Variants in IL33 observed in about 807,000 individuals in gnomAD.
The protein encoded by IL33 is interleukin 33.
Under a neutral mutation model 27.3 loss-of-function variants are expected in IL33, and 37 were observed. That is an observed-to-expected ratio of 1.36 (90% CI 1.04 to 1.78). The LOEUF is 1.78. Ranked by LOEUF, IL33 falls within the 40% of genes most tolerant of loss-of-function variation. IL33 has a pLI of 0.00. For synonymous variants in IL33, 132 were observed against 102.9 expected (o/e 1.28, Z -1.71); for missense variants, 406 against 311.4 (o/e 1.30, Z -2.29).
chr9:6,218,684 ATGT>A (rs201640585), intron 1 of IL33, among the ~76,000 whole-genome samples: 4,106 of 87,732 alleles, frequency 0.047, 61 homozygotes, highest in African/African-American at 0.1. Flanking sequence ...CCATATATAT[ATGT>A]TCTCCATATA....
intron 1 of IL33, among the ~76,000 whole-genome samples, chr9:6,223,996 G>A (rs980502178): frequency 1.3e-5 from 2 of 152,078 alleles, no homozygotes; most frequent in Non-Finnish European, 2.9e-5. Context: ...GCCAAGAAGC[G>A]CTTACTCCTC....
chr9:6,247,303 G>A (rs569588672), intron 2 of IL33, among the ~76,000 whole-genome samples: 1 of 152,282 alleles, frequency 6.6e-6, no homozygotes, highest in African/African-American at 2.4e-5. Context: ...CTGGTGACAT[G>A]GCATAAGGAA....
chr9:6,241,612 A>G, intron 1 of IL33, 72 bp from the exon 2 acceptor site: 1 of 821,106 alleles, frequency 1.2e-6, no homozygotes, highest in South Asian at 1.7e-5. Flanking sequence ...TTTGGTAGTG[A>G]GCTAGCCACA....
chr9:6,249,406 T>G (rs1056212607), intron 2 of IL33, among the ~76,000 whole-genome samples: 4 of 152,232 alleles, frequency 2.6e-5, no homozygotes, highest in Non-Finnish European at 5.9e-5. Flanking sequence ...TGCTTGATAA[T>G]TCATTTACTA....
chr9:6,251,110 G>A (rs370280997), intron 3 of IL33, 30 bp from the exon 4 acceptor site: 11 of 1,605,490 alleles, frequency 6.9e-6, no homozygotes, highest in African/African-American at 1.3e-5. Flanking sequence ...GGGGATTGAT[G>A]GTCTATCCCT....
chr9:6,242,121 T>C (rs1194978019), intron 2 of IL33: 1 of 164,282 alleles, frequency 6.1e-6, no homozygotes, highest in African/African-American at 2.4e-5. Flanking sequence ...TTTTCCCTGA[T>C]AAACTAGCAA....
chr9:6,240,609 A>G (rs1819473120), intron 1 of IL33, among the ~76,000 whole-genome samples: 1 of 152,228 alleles, frequency 6.6e-6, no homozygotes, highest in Non-Finnish European at 1.5e-5. Context: ...GTATTGGGCA[A>G]TTAACCATGA....
chr9:6,246,282 G>A (rs1246562395), intron 2 of IL33, among the ~76,000 whole-genome samples: 2 of 151,944 alleles, frequency 1.3e-5, no homozygotes, highest in Admixed American at 6.6e-5. Flanking sequence ...AGGTGGAACC[G>A]GCTGGGTGCG....
chr9:6,230,007 A>T (rs1264471044), intron 1 of IL33, among the ~76,000 whole-genome samples: 1 of 152,184 alleles, frequency 6.6e-6, no homozygotes, highest in Non-Finnish European at 1.5e-5. Flanking sequence ...AAGGTGTGCA[A>T]GTGCATGGTG....
chr9:6,248,311 C>T (rs1819997982), intron 2 of IL33, among the ~76,000 whole-genome samples: 1 of 133,164 alleles, frequency 7.5e-6, no homozygotes, highest in African/African-American at 2.8e-5. Context: ...GTGGCACTAT[C>T]TCAGCTCACT....
intron 1 of IL33, among the ~76,000 whole-genome samples, chr9:6,216,853 A>G (rs1334009453): frequency 6.6e-6 from 1 of 152,190 alleles, no homozygotes; most frequent in Non-Finnish European, 1.5e-5. Flanking sequence ...TTTTTTCTTA[A>G]TGGGACCTGA....
At chr9:6,225,075 A>G (rs370584649) in intron 1 of IL33, among the ~76,000 whole-genome samples, 5 of 152,174 alleles carry the variant, frequency 3.3e-5, no homozygotes, top group African/African-American at 1.2e-4. Flanking sequence ...ACTGATTTCC[A>G]TGACTGAGAT....
At chr9:6,240,598 T>G (rs1206921352) in intron 1 of IL33, among the ~76,000 whole-genome samples, 1 of 152,048 alleles carries the variant, frequency 6.6e-6, no homozygotes, top group African/African-American at 2.4e-5. Context: ...ATGGTGCACT[T>G]GTATTGGGCA....
At chr9:6,222,492 A>C (rs1818453613) in intron 1 of IL33, among the ~76,000 whole-genome samples, 1 of 152,210 alleles carries the variant, frequency 6.6e-6, no homozygotes, top group East Asian at 1.9e-4. Flanking sequence ...GTGTTGTGGA[A>C]TATATTACAT....
intron 7 of IL33, among the ~76,000 whole-genome samples, chr9:6,254,799 G>C (rs995124689): frequency 6.6e-6 from 1 of 152,058 alleles, no homozygotes; most frequent in African/African-American, 2.4e-5. Flanking sequence ...CATCACCTGG[G>C]AGCCTGTTAG....
chr9:6,241,001 A>T (rs191781505), intron 1 of IL33, among the ~76,000 whole-genome samples: 27 of 152,134 alleles, frequency 1.8e-4, no homozygotes, highest in Non-Finnish European at 3.7e-4. Flanking sequence ...ACACAAACAC[A>T]CACACCCTAG....
chr9:6,219,511 G>C (rs551265694), intron 1 of IL33, among the ~76,000 whole-genome samples: 13 of 152,290 alleles, frequency 8.5e-5, no homozygotes, highest in African/African-American at 3.1e-4. Context: ...GAAGAGTGCA[G>C]TATAGCATAA....
chr9:6,216,860 C>T (rs537520939), intron 1 of IL33, among the ~76,000 whole-genome samples: 2 of 152,286 alleles, frequency 1.3e-5, no homozygotes, highest in Admixed American at 6.5e-5. Flanking sequence ...TTAATGGGAC[C>T]TGACCCTGGA....
intron 7 of IL33, among the ~76,000 whole-genome samples, chr9:6,255,733 C>A (rs910760847): frequency 6.6e-6 from 1 of 152,036 alleles, no homozygotes; most frequent in African/African-American, 2.4e-5. Flanking sequence ...ATCCAATCAC[C>A]CTAATCCATA....
Sources: allele counts gnomAD v4.1 joint callset (sites outside exome capture counted in the v4.1 genomes callset), GRCh38; gene constraint gnomAD v4.1.1; transcripts MANE v1.5; gene names NCBI Gene and HGNC (gene_info 2026-07-23, HGNC 2026-07-21).